The following STAU2 variants were observed in gnomAD, a reference collection of about 807,000 sequenced individuals.
STAU2 encodes staufen double-stranded RNA binding protein 2, also known as double-stranded RNA-binding protein Staufen homolog 2.
In STAU2, 20 loss-of-function variants were observed where a neutral mutation model predicts 65.9. The observed-to-expected ratio is 0.30, with a 90% CI of 0.21 to 0.44. STAU2 has a LOEUF of 0.44. Ranked by LOEUF, STAU2 falls within the 20% of genes least tolerant of loss-of-function variation. The probability of loss-of-function intolerance (pLI) is 1.00; values close to 1 mark genes in which losing one functional copy is unlikely to be tolerated. For synonymous variants in STAU2, 232 were observed against 233.9 expected, an observed-to-expected ratio of 0.99 and a Z score of 0.07; for missense variants, 558 against 683.9, an observed-to-expected ratio of 0.82 and a Z score of 2.05.
chr8:73,640,556 A>G (rs1372802642), intron 6 of STAU2, among the ~76,000 whole-genome samples: 5 of 152,268 alleles, frequency 3.3e-5, no homozygotes, highest in African/African-American at 1.2e-4. Flanking sequence ...TAGACAATAC[A>G]TCAACAAATG....
intron 13 of STAU2, among the ~76,000 whole-genome samples, chr8:73,463,200 C>T (rs1819466486): frequency 6.6e-6 from 1 of 152,230 alleles, no homozygotes; most frequent in Non-Finnish European, 1.5e-5. Context: ...ACCTTCAATG[C>T]AGTATGCTGG....
chr8:73,525,376 A>G lies in STAU2; in HGVS notation c.1530+26636T>C, dbSNP rs567022993. 2.6e-5 allele frequency among the ~76,000 whole-genome samples: 4 copies of G among 152,314 alleles called. No individual in the cohort carries two copies. In the East Asian group the frequency reaches 7.7e-4, roughly 29 times the overall value. On this transcript the variant is annotated intron_variant, in intron 13 of 14. Coordinates refer to ENST00000524300, the MANE Select transcript of STAU2 (RefSeq NM_001164380.2). Reference sequence around the variant, plus strand: ...TGCATTCACACCGCAGTTATTGTAGACTTATTACAAAAATTTTCTGTCAGA... The same window carrying G: ...TGCATTCACACCGCAGTTATTGTAGGCTTATTACAAAAATTTTCTGTCAGA...
chr8:73,462,928 T>C (rs1819448477), intron 13 of STAU2, among the ~76,000 whole-genome samples: 1 of 152,154 alleles, frequency 6.6e-6, no homozygotes, highest in Non-Finnish European at 1.5e-5. Flanking sequence ...TGAAGAAACC[T>C]TCTCTGAACA....
intron 13 of STAU2, among the ~76,000 whole-genome samples, chr8:73,487,997 AT>A (rs1821000979): frequency 6.6e-6 from 1 of 152,064 alleles, no homozygotes; most frequent in South Asian, 2.1e-4. Context: ...ACAAAAAAAC[AT>A]TTTGTGTGGC....
chr8:73,728,733 G>A (rs558533836), intron 3 of STAU2, among the ~76,000 whole-genome samples: 65 of 151,892 alleles, frequency 4.3e-4, no homozygotes, highest in Non-Finnish European at 5.1e-4. Context: ...TGTTCATTCC[G>A]AGTACACAGA....
At chr8:73,463,206 G>T (rs1313394179) in intron 13 of STAU2, among the ~76,000 whole-genome samples, 2 of 152,230 alleles carry the variant, frequency 1.3e-5, no homozygotes, top group Non-Finnish European at 2.9e-5. Context: ...AATGCAGTAT[G>T]CTGGTCTTTA....
intron 13 of STAU2, among the ~76,000 whole-genome samples, chr8:73,498,192 T>C (rs1198034093): frequency 6.6e-6 from 1 of 151,852 alleles, no homozygotes; most frequent in Non-Finnish European, 1.5e-5. Flanking sequence ...ATTGCTATGC[T>C]GTAGTCACCT....
At chr8:73,744,487 GAA>G (rs34156567) in intron 1 of STAU2, among the ~76,000 whole-genome samples, 1 of 129,818 alleles carries the variant, frequency 7.7e-6, no homozygotes, top group South Asian at 2.4e-4. Flanking sequence ...AGGCACAAAG[GAA>G]AAAAAAAAAA....
chr8:73,580,568 GA>G (rs1809906490), intron 12 of STAU2, among the ~76,000 whole-genome samples: 1 of 152,184 alleles, frequency 6.6e-6, no homozygotes. Flanking sequence ...TTAAGAAACT[GA>G]TTAAGAAGTT....
At position 73,468,191 on chromosome 8, in the gene STAU2, A is replaced by C. The variant is rs150474159; in HGVS notation, c.1531-45489T>G. 3.0e-3 allele frequency among the ~76,000 whole-genome samples: 463 copies of C among 152,370 alleles called. 12 individuals are homozygous for C. In the East Asian group the frequency reaches 0.07, roughly 23 times the overall value. On this transcript the variant is annotated intron_variant, in intron 13 of 14. Coordinates refer to ENST00000524300, the MANE Select transcript of STAU2 (RefSeq NM_001164380.2). ...TCTGATCTTTGACAAACCTGACAAA[A>C]ACAAGAAATGGGGAAAGGATTCCCT...
chr8:73,473,864 G>A (rs902097984), intron 13 of STAU2, among the ~76,000 whole-genome samples: 1 of 152,222 alleles, frequency 6.6e-6, no homozygotes, highest in Admixed American at 6.5e-5. Flanking sequence ...CGGGAGGAGT[G>A]AAGAGGAACA....
chr8:73,692,484 C>T (rs773044293), intron 4 of STAU2, among the ~76,000 whole-genome samples: 1 of 152,186 alleles, frequency 6.6e-6, no homozygotes, highest in Non-Finnish European at 1.5e-5. Flanking sequence ...GCGTGAGCCA[C>T]CACGCCGGCC....
intron 6 of STAU2, among the ~76,000 whole-genome samples, chr8:73,656,609 T>G (rs1211789586): frequency 6.6e-6 from 1 of 152,238 alleles, no homozygotes; most frequent in African/African-American, 2.4e-5. Flanking sequence ...AAAATATTGT[T>G]AATTCCAATA....
intron 13 of STAU2, among the ~76,000 whole-genome samples, chr8:73,451,047 G>A (rs925804442): frequency 6.6e-6 from 1 of 152,136 alleles, no homozygotes; most frequent in East Asian, 1.9e-4. Context: ...CCAGTTATCC[G>A]TGTGCTGATC....
chr8:73,528,939 G>A (rs1331083927), intron 13 of STAU2, among the ~76,000 whole-genome samples: 1 of 152,000 alleles, frequency 6.6e-6, no homozygotes, highest in Non-Finnish European at 1.5e-5. Flanking sequence ...CTAGTCTAAT[G>A]GCTTAATAAT....
intron 13 of STAU2, among the ~76,000 whole-genome samples, chr8:73,474,322 T>C (rs1036747821): frequency 5.3e-5 from 8 of 152,166 alleles, no homozygotes; most frequent in African/African-American, 1.7e-4. Context: ...TTTCACCTTA[T>C]AAAATGCAAA....
intron 3 of STAU2, among the ~76,000 whole-genome samples, chr8:73,712,109 G>T (rs1273090584): frequency 6.6e-6 from 1 of 152,058 alleles, no homozygotes; most frequent in Non-Finnish European, 1.5e-5. Context: ...CTTTTTTAGA[G>T]AAGTCAATAG....
chr8:73,516,645 G>A (rs1033873550), intron 13 of STAU2, among the ~76,000 whole-genome samples: 2 of 152,158 alleles, frequency 1.3e-5, no homozygotes, highest in African/African-American at 4.8e-5. Flanking sequence ...TTTTGGACAT[G>A]GGGAGAGGCA....
At chr8:73,698,691 C>G (rs1197227600) in intron 4 of STAU2, among the ~76,000 whole-genome samples, 1 of 151,858 alleles carries the variant, frequency 6.6e-6, no homozygotes, top group Admixed American at 6.6e-5. Flanking sequence ...AAGACAGACC[C>G]CAATACAATA....
Sources: gnomAD v4.1 joint callset for allele counts (sites outside exome capture counted in the v4.1 genomes callset) on GRCh38, gnomAD v4.1.1 for gene constraint, MANE v1.5 for transcripts, NCBI Gene and HGNC (gene_info 2026-07-23, HGNC 2026-07-21) for gene names.